The following MSR1 variants were observed in gnomAD, a reference collection of about 807,000 sequenced individuals.
MSR1 encodes the protein macrophage scavenger receptor 1.
In MSR1, 53 loss-of-function variants were observed where a neutral mutation model predicts 47.2. The observed-to-expected ratio is 1.12, with a 90% CI of 0.90 to 1.41. The LOEUF is 1.41. Ranked by LOEUF, MSR1 falls within the 40% of genes most tolerant of loss-of-function variation. The pLI is 0.00. For missense variants in MSR1, 786 were observed against 546.9 expected (o/e 1.44, Z -4.36); for synonymous variants, 239 against 185.6 (o/e 1.29, Z -2.34).
At chr8:16,125,323 G>C (rs188348736) in intron 8 of MSR1, among the ~76,000 whole-genome samples, 15 of 152,264 alleles carry the variant, frequency 9.9e-5, no homozygotes, top group Admixed American at 8.5e-4. Flanking sequence ...ATCACAGTGA[G>C]TGAACTCTTA....
intron 8 of MSR1, among the ~76,000 whole-genome samples, chr8:16,123,589 T>A (rs944552024): frequency 2.0e-5 from 3 of 148,834 alleles, no homozygotes; most frequent in East Asian, 2.1e-4. Context: ...TGTATATGTG[T>A]GTGTGTGTGT....
At position 16,109,851 on chromosome 8, in the gene MSR1, T is replaced by C; in HGVS notation, c.*234A>G. On this transcript the variant is annotated 3_prime_UTR_variant, in exon 10 of 10. Coordinates refer to ENST00000262101, the MANE Select transcript of MSR1 (RefSeq NM_138715.3). ...ACTTCAAAATGTTCAATTCAGCATA[T>C]AAGTCATTATATTAGAAAATTCCAT... The C allele has an allele frequency of 1.8e-6, 1 of 549,706 alleles. No individual in the cohort carries two copies. Among genetic ancestry groups the C allele is most frequent in the Non-Finnish European group, 3.2e-6 (1 of 314,494 alleles). The allele number at this position is 549,706 out of a possible 1,614,324, so 34.1% of individuals were successfully genotyped here. A position where few individuals can be genotyped will look rare whatever the true frequency, so the allele number is the denominator to read the frequency against.
Position 16,177,977 on chromosome 8 carries a change from C to T in MSR1, c.12G>A (p.Trp4Ter). 1.2e-6 allele frequency: 2 copies of T among 1,613,496 alleles called. No individual in the cohort carries two copies. Among genetic ancestry groups the T allele is most frequent in the Non-Finnish European group, 1.7e-6 (2 of 1,179,608 alleles). ...CCTCCTGTTGATTGTGAAAGTGATC[C>T]CACTGCTCCATACTTCTATGAAACA... MEQ[W>*]DHFHNQQEDT... The change falls in exon 2 of 10, where the codon TGG becomes TGA. Residue 4 changes from tryptophan (W) to a stop codon, truncating the protein, a stop_gained. Coordinates refer to ENST00000262101, the MANE Select transcript of MSR1 (RefSeq NM_138715.3). LOFTEE classifies it high-confidence loss of function.
chr8:16,190,112 G>A (rs967187300), intron 1 of MSR1, among the ~76,000 whole-genome samples: 9 of 151,528 alleles, frequency 5.9e-5, no homozygotes, highest in Non-Finnish European at 1.3e-4. Context: ...TCATCCAGCT[G>A]GTCTCAAACT....
rs149734343 is a variant in MSR1 at position 16,147,859 on chromosome 8, T to C, written c.979+2372A>G. Among the ~76,000 whole-genome samples, 17 of 152,246 alleles carry C rather than the reference T, an allele frequency of 1.1e-4. No individual in the cohort carries two copies. In the East Asian group the frequency reaches 3.3e-3, roughly 30 times the overall value. On this transcript the variant is annotated intron_variant, in intron 7 of 9. Coordinates refer to ENST00000262101, the MANE Select transcript of MSR1 (RefSeq NM_138715.3). ...TTGTGCGTGATTACTCTTTCTGCAC[T>C]GTTTTTTTCCACCTAAACATAATGG...
chr8:16,137,078 GAGC>G, intron 8 of MSR1, among the ~76,000 whole-genome samples: 1 of 152,030 alleles, frequency 6.6e-6, no homozygotes, highest in Admixed American at 6.6e-5. Flanking sequence ...AGAGACATTG[GAGC>G]AGCCAAATAA....
chr8:16,168,957 T>A, intron 3 of MSR1, 87 bp from the exon 4 acceptor site: 1 of 1,330,100 alleles, frequency 7.5e-7, no homozygotes, highest in Non-Finnish European at 1.1e-6. Context: ...ATTCCGTTCA[T>A]TTTATTCCAT....
chr8:16,181,902 A>G (rs1801844705), intron 1 of MSR1, among the ~76,000 whole-genome samples: 1 of 152,214 alleles, frequency 6.6e-6, no homozygotes, highest in Admixed American at 6.5e-5. Flanking sequence ...ATGGATTCGC[A>G]AAAATTGTGT....
chr8:16,176,852 G>C (rs1201607134), intron 2 of MSR1, among the ~76,000 whole-genome samples: 2 of 152,026 alleles, frequency 1.3e-5, no homozygotes, highest in African/African-American at 4.8e-5. Context: ...CCTTTACACA[G>C]AGCACAAGAT....
In MSR1 at chr8:16,168,780, T is replaced by C. The variant is rs1467403888; in HGVS notation, c.308A>G (p.Asp103Gly). ...TTGAAATCTCATTTCCTCTTCGCTG[T>C]CATTTCCTTTTCCCGTGAGACTTTG... ...ITQSLTGKGN[D>G]SEEEMRFQEV... Residue 103 changes from aspartate to glycine, a missense_variant, in exon 4 of 10, where the codon GAC (aspartate) becomes GGC (glycine). Physicochemically the swap from Asp to Gly is moderately conservative, Grantham distance 94. Coordinates refer to ENST00000262101, the MANE Select transcript of MSR1 (RefSeq NM_138715.3). 1.9e-6 allele frequency: 3 copies of C among 1,614,148 alleles called. No homozygotes were observed. The South Asian group carries it at 3.3e-5, about 18-fold the overall frequency.
chr8:16,140,367 T>C (rs1800522080), intron 8 of MSR1: 9 of 985,468 alleles, frequency 9.1e-6, no homozygotes, highest in Non-Finnish European at 1.1e-5. Context: ...TCATTGAAGA[T>C]TGAGCTGATT....
intron 8 of MSR1, chr8:16,139,519 A>T (rs1375074860): frequency 1.0e-6 from 1 of 984,662 alleles, no homozygotes; most frequent in East Asian, 1.1e-4. Context: ...CTGTGTGTTA[A>T]AACGTAAAGG....
chr8:16,112,283 A>G (rs1431999434), intron 9 of MSR1, among the ~76,000 whole-genome samples: 1 of 152,166 alleles, frequency 6.6e-6, no homozygotes, highest in African/African-American at 2.4e-5. Context: ...TTCTAAATTT[A>G]CTTTTTATAA....
intron 9 of MSR1, among the ~76,000 whole-genome samples, chr8:16,110,954 G>C (rs559168672): frequency 5.9e-5 from 9 of 152,164 alleles, no homozygotes; most frequent in Admixed American, 2.0e-4. Context: ...CAGTATTGAG[G>C]CTTTTTTACT....
At chr8:16,188,187 GAA>G (rs1802058135) in intron 1 of MSR1, among the ~76,000 whole-genome samples, 1 of 152,136 alleles carries the variant, frequency 6.6e-6, no homozygotes, top group Admixed American at 6.6e-5. Context: ...TCAAGTGGAT[GAA>G]AAGTTTACAG....
At chr8:16,170,970 T>C (rs771290782) in intron 3 of MSR1, among the ~76,000 whole-genome samples, 4 of 152,174 alleles carry the variant, frequency 2.6e-5, no homozygotes, top group Non-Finnish European at 4.4e-5. Flanking sequence ...CCACCGTATT[T>C]ACTACCTTTA....
rs1166096429 is a variant in MSR1, at chr8:16,192,591, T to C, written c.-5+7A>G. 1 of 152,114 alleles carries C rather than the reference T, an allele frequency of 6.6e-6. No homozygotes were observed. Among genetic ancestry groups the C allele is most frequent in the Non-Finnish European group, 1.5e-5 (1 of 68,010 alleles). The allele number at this position is 152,114 out of a possible 1,614,324, so 9.4% of individuals were successfully genotyped here. A position where few individuals can be genotyped will look rare whatever the true frequency, so the allele number is the denominator to read the frequency against. On this transcript the variant is annotated splice_region_variant and intron_variant, in intron 1 of 9. Transcript: ENST00000262101. ...AAACATTAAAATAAGCCTTTTTTTTTCTTTACCTTTCGTCCTAAAGAAAGC... is the reference window on the plus strand; with the variant it reads ...AAACATTAAAATAAGCCTTTTTTTTCCTTTACCTTTCGTCCTAAAGAAAGC...
Sources: allele counts gnomAD v4.1 joint callset (sites outside exome capture counted in the v4.1 genomes callset), GRCh38; gene constraint gnomAD v4.1.1; transcripts MANE v1.5; gene names NCBI Gene and HGNC (gene_info 2026-07-23, HGNC 2026-07-21).